Variants in PKP4 observed in about 807,000 individuals in gnomAD.
PKP4 encodes the protein plakophilin 4, also known as plakophilin-4.
PKP4 carries 90 observed loss-of-function variants against 145.1 expected under a neutral mutation model. The observed-to-expected ratio is 0.62, with a 90% confidence interval of 0.52 to 0.74. The LOEUF is 0.74. Among genes scored for constraint, PKP4 ranks in the 30% least tolerant of loss-of-function variants. The pLI, the probability that PKP4 is intolerant of heterozygous loss-of-function variation, is 0.00. For synonymous variants in PKP4, 563 were observed against 577.2 expected (o/e 0.98, Z 0.35); for missense variants, 1,340 against 1,482.7 (o/e 0.90, Z 1.58).
chr2:158,509,947 CAAA>C (rs11404706), intron 1 of PKP4, among the ~76,000 whole-genome samples: 2 of 134,168 alleles, frequency 1.5e-5, no homozygotes, highest in East Asian at 2.1e-4. Context: ...AACTCCATCT[CAAA>C]AAAAAAAAAA....
intron 1 of PKP4, among the ~76,000 whole-genome samples, chr2:158,522,672 G>C (rs931477619): frequency 6.6e-6 from 1 of 152,204 alleles, no homozygotes; most frequent in Non-Finnish European, 1.5e-5. Flanking sequence ...AGCTCCCAGC[G>C]TGAGCGACGC....
intron 4 of PKP4, among the ~76,000 whole-genome samples, chr2:158,620,124 G>A (rs1445353907): frequency 3.9e-5 from 6 of 152,016 alleles, no homozygotes; most frequent in Admixed American, 6.6e-5. Context: ...TAGCATTTCT[G>A]AAAGAAAGTT....
chr2:158,631,821 G>A lies in PKP4; in HGVS notation c.1222G>A (p.Asp408Asn), dbSNP rs769826087. Residue 408 changes from aspartate to asparagine, a missense_variant, in exon 8 of 22, where the codon GAC becomes AAC. Transcript: ENST00000389759. ...GQDLRSAVSP[D>N]LHITPIYEGR... ...AGACCTTCGTTCTGCCGTGTCTCCC[G>A]ACTTGCACATTACTCCTATATATGA... 10 of 1,614,042 alleles carry A rather than the reference G, an allele frequency of 6.2e-6. No individual in the cohort carries two copies. Among genetic ancestry groups the A allele is most frequent in the Middle Eastern group, 1.7e-4 (1 of 6,060 alleles).
Position 158,457,221 on chromosome 2 carries a change from A to G in PKP4, c.-6+3A>G, listed in dbSNP as rs978713794. On this transcript the variant is annotated splice_donor_region_variant and intron_variant, in intron 1 of 21. Coordinates refer to ENST00000389759, the MANE Select transcript of PKP4 (RefSeq NM_003628.6). Reference sequence around the variant, plus strand: ...ACGGCCGCTGCCTAAGCTGGAAAGTAAGTGTGTGGGCTCGCGGGAGGGCGC... The same window carrying G: ...ACGGCCGCTGCCTAAGCTGGAAAGTGAGTGTGTGGGCTCGCGGGAGGGCGC... 2.6e-5 allele frequency: 4 copies of G among 151,402 alleles called. No homozygotes were observed. Among genetic ancestry groups the G allele is most frequent in the Non-Finnish European group, 4.4e-5 (3 of 67,814 alleles). 9.4% of individuals were successfully genotyped at this position (151,402 alleles called of 1,614,324 possible).
chr2:158,539,421 G>C (rs1278611354), intron 2 of PKP4, among the ~76,000 whole-genome samples: 1 of 152,086 alleles, frequency 6.6e-6, no homozygotes, highest in African/African-American at 2.4e-5. Flanking sequence ...CCTTTTGTTT[G>C]GCCCCTATGC....
chr2:158,637,883 C>T (rs143092030), intron 9 of PKP4, among the ~76,000 whole-genome samples: 3 of 152,246 alleles, frequency 2.0e-5, no homozygotes, highest in East Asian at 1.9e-4. Context: ...AGCAGTTTTT[C>T]GAGGGTAAAT....
chr2:158,574,260 A>G (rs1417041038), intron 2 of PKP4, among the ~76,000 whole-genome samples: 1 of 152,208 alleles, frequency 6.6e-6, no homozygotes, highest in Non-Finnish European at 1.5e-5. Flanking sequence ...ATCACTGACA[A>G]GTGCTTTTAA....
intron 1 of PKP4, among the ~76,000 whole-genome samples, chr2:158,475,727 GAAGT>G (rs1405583951): frequency 6.6e-6 from 1 of 152,126 alleles, no homozygotes; most frequent in African/African-American, 2.4e-5. Flanking sequence ...GTGCCCAGTG[GAAGT>G]AAGACCCATT....
At chr2:158,609,486 C>T (rs2050944132) in intron 4 of PKP4, among the ~76,000 whole-genome samples, 1 of 152,184 alleles carries the variant, frequency 6.6e-6, no homozygotes, top group African/African-American at 2.4e-5. Flanking sequence ...TATTTTTATA[C>T]TTTGCATGTT....
chr2:158,505,801 T>C (rs765974314), intron 1 of PKP4, among the ~76,000 whole-genome samples: 13 of 151,852 alleles, frequency 8.6e-5, no homozygotes, highest in Non-Finnish European at 1.5e-4. Context: ...ACTGCAAGTG[T>C]AGAGGTAGTT....
chr2:158,479,336 A>G (rs1276514160), intron 1 of PKP4, among the ~76,000 whole-genome samples: 2 of 151,920 alleles, frequency 1.3e-5, no homozygotes, highest in Non-Finnish European at 2.9e-5. Flanking sequence ...CGATGCTTCC[A>G]CCTAAGCCTC....
intron 11 of PKP4, among the ~76,000 whole-genome samples, chr2:158,644,660 A>G (rs923533969): frequency 2.4e-4 from 36 of 152,232 alleles, no homozygotes; most frequent in African/African-American, 8.2e-4. Context: ...GTTTTTAAAT[A>G]TGTAGATTGA....
intron 2 of PKP4, among the ~76,000 whole-genome samples, chr2:158,557,107 A>G (rs1374886013): frequency 6.6e-6 from 1 of 152,034 alleles, no homozygotes; most frequent in Non-Finnish European, 1.5e-5. Flanking sequence ...ATAGTAATAT[A>G]TTCCTCGTGG....
At chr2:158,542,104 A>G (rs543525979) in intron 2 of PKP4, among the ~76,000 whole-genome samples, 17 of 152,302 alleles carry the variant, frequency 1.1e-4, no homozygotes, top group African/African-American at 4.1e-4. Context: ...TGAAGAGTCA[A>G]GTAACACCGT....
In PKP4 at chr2:158,480,984, T is replaced by C. The variant is rs191667612; in HGVS notation, c.-6+23766T>C. Among the ~76,000 whole-genome samples the C allele has an allele frequency of 2.6e-5, 4 of 152,376 alleles. No individual in the cohort carries two copies. In the East Asian group the frequency reaches 5.8e-4, roughly 22 times the overall value. On this transcript the variant is annotated intron_variant, in intron 1 of 21. Transcript: ENST00000389759. ...ATAGAATCATGTAGTACATGTCCTTTTGTGTCTCACTTTTTTTACTTAGCA... is the reference window on the plus strand; with the variant it reads ...ATAGAATCATGTAGTACATGTCCTTCTGTGTCTCACTTTTTTTACTTAGCA...
chr2:158,572,335 T>C (rs2047480108), intron 2 of PKP4, among the ~76,000 whole-genome samples: 1 of 152,208 alleles, frequency 6.6e-6, no homozygotes, highest in Admixed American at 6.5e-5. Context: ...GTCTTTCCCC[T>C]GAAAGAAACT....
intron 21 of PKP4, chr2:158,679,357 G>C (rs1200345813): frequency 6.6e-6 from 1 of 152,216 alleles, no homozygotes; most frequent in African/African-American, 2.4e-5. Flanking sequence ...ATAAGGATGT[G>C]TTCTAAGACC....
chr2:158,554,620 T>A (rs1275875651), intron 2 of PKP4, among the ~76,000 whole-genome samples: 2 of 151,802 alleles, frequency 1.3e-5, no homozygotes, highest in African/African-American at 4.8e-5. Context: ...AAAGACGGGG[T>A]TTCACTGTGT....
intron 1 of PKP4, among the ~76,000 whole-genome samples, chr2:158,484,506 G>A (rs1318002660): frequency 6.6e-6 from 1 of 152,180 alleles, no homozygotes; most frequent in Non-Finnish European, 1.5e-5. Flanking sequence ...TTATATGCAT[G>A]TTGTTGTCTA....
Sources: gnomAD v4.1 joint callset for allele counts (sites outside exome capture counted in the v4.1 genomes callset) on GRCh38, gnomAD v4.1.1 for gene constraint, MANE v1.5 for transcripts, NCBI Gene and HGNC (gene_info 2026-07-23, HGNC 2026-07-21) for gene names.